Variants in UTRN observed in about 807,000 individuals in gnomAD.
The protein encoded by UTRN is utrophin.
A neutral mutation model predicts 463.9 loss-of-function variants in UTRN; 283 were observed. That is an observed-to-expected ratio of 0.61 (90% CI 0.55 to 0.67). UTRN has a LOEUF of 0.67. Ranked by LOEUF, UTRN falls within the 30% of genes least tolerant of loss-of-function variation. UTRN has a pLI of 0.00. For missense variants in UTRN, 3,922 were observed against 4,084.3 expected (o/e 0.96, Z 1.08); for synonymous variants, 1,442 against 1,431.5 (o/e 1.01, Z -0.17).
chr6:144,772,017 T>A, intron 59 of UTRN, 49 bp downstream of exon 59: 1 of 139,350 alleles, frequency 7.2e-6, no homozygotes, highest in Non-Finnish European at 8.6e-6. Context: ...TGAGAACCGG[T>A]TTTTTTTTTT....
intron 66 of UTRN, among the ~76,000 whole-genome samples, chr6:144,824,908 A>G (rs574562803): frequency 6.6e-6 from 1 of 151,776 alleles, no homozygotes; most frequent in Non-Finnish European, 1.5e-5. Context: ...TCAGCCTCCC[A>G]AGAAGCTGGG....
chr6:144,851,159 A>G lies in UTRN; in HGVS notation c.*162A>G. ...TGAAAGAGTAAAACACTGACTATCC[A>G]AAGAGAAATGGATATTTTGTTTTTA... On this transcript the variant is annotated 3_prime_UTR_variant, in exon 75 of 75. Coordinates refer to ENST00000367545, the MANE Select transcript of UTRN (RefSeq NM_007124.3). 1.2e-6 allele frequency: 1 copy of G among 844,716 alleles called. No homozygotes were observed. The highest frequency in any genetic ancestry group is 2.5e-5 in the East Asian group (1 of 40,422). 52.3% of individuals were successfully genotyped at this position (844,716 alleles called of 1,614,324 possible). A position where few individuals can be genotyped will look rare whatever the true frequency, so the allele number is the denominator to read the frequency against.
chr6:144,794,618 GA>G (rs937894160), intron 63 of UTRN, among the ~76,000 whole-genome samples: 1 of 152,172 alleles, frequency 6.6e-6, no homozygotes, highest in Non-Finnish European at 1.5e-5. Context: ...TAAGCTCCAT[GA>G]AGACAAGGAC....
chr6:144,409,131 C>T (rs1251961146), intron 3 of UTRN, among the ~76,000 whole-genome samples: 1 of 152,170 alleles, frequency 6.6e-6, no homozygotes, highest in Non-Finnish European at 1.5e-5. Context: ...TCTTAAACAC[C>T]AGCTTCCAGA....
rs375556962 is a variant in UTRN at position 144,365,188 on chromosome 6, TA to T, written c.80-37933del. Among the ~76,000 whole-genome samples, 35 of 152,356 alleles carry T rather than the reference TA, an allele frequency of 2.3e-4. 1 individual carries two copies. In the South Asian group the frequency reaches 7.2e-3, roughly 32 times the overall value. On this transcript the variant is annotated intron_variant, in intron 2 of 74. Transcript: ENST00000367545. ...TGCAGAAAGAATTGAGAGTGGTGGA[TA>T]ATTCTCCAATCATTCCTGCTTTCTC...
chr6:144,557,346 G>A (rs1244010994), intron 50 of UTRN, 35 bp downstream of exon 50: 4 of 1,579,850 alleles, frequency 2.5e-6, no homozygotes, highest in Admixed American at 1.8e-5. Flanking sequence ...AATGTATATT[G>A]TCAAGTTGAG....
At chr6:144,759,006 C>T (rs550346873) in intron 58 of UTRN, among the ~76,000 whole-genome samples, 47 of 152,172 alleles carry the variant, frequency 3.1e-4, no homozygotes, top group Non-Finnish European at 4.9e-4. Context: ...TTCCTGAAAA[C>T]GTTGTGTGAA....
At chr6:144,584,382 A>G (rs1241887541) in intron 51 of UTRN, among the ~76,000 whole-genome samples, 1 of 152,144 alleles carries the variant, frequency 6.6e-6, no homozygotes, top group Non-Finnish European at 1.5e-5. Flanking sequence ...GAGAGTTATA[A>G]TAGCAATTTT....
chr6:144,557,248 A>C lies in UTRN; in HGVS notation c.7226A>C (p.Asp2409Ala). Residue 2409 changes from aspartate to alanine, a missense_variant, in exon 50 of 75, where the codon GAC (aspartate) becomes GCC (alanine). This residue lies in a region of UTRN where 1,309 missense variants were observed against 1,452.6 expected (regional missense o/e 0.90). Coordinates refer to ENST00000367545, the MANE Select transcript of UTRN (RefSeq NM_007124.3). The part of the protein sequence containing the change: ...QKLLEEYGSD[D>A]TRNVKETTEY... ...CTCCTGGAGGAATATGGGAGTGATG[A>C]CACAAGGAATGTGAAAGAAACCACA... The C allele has an allele frequency of 7.4e-6, 12 of 1,614,012 alleles. No homozygotes were observed. Among genetic ancestry groups the C allele is most frequent in the Non-Finnish European group, 1.0e-5 (12 of 1,179,898 alleles).
At chr6:144,460,729 G>A (rs1468274875) in intron 21 of UTRN, among the ~76,000 whole-genome samples, 1 of 152,184 alleles carries the variant, frequency 6.6e-6, no homozygotes, top group Non-Finnish European at 1.5e-5. Context: ...TGGCTGTTCA[G>A]TCATTATTTC....
chr6:144,515,932 G>C (rs934190574), intron 37 of UTRN, among the ~76,000 whole-genome samples: 2 of 152,174 alleles, frequency 1.3e-5, no homozygotes, highest in African/African-American at 4.8e-5. Flanking sequence ...CATGGCCATA[G>C]TTTCCTGCTA....
chr6:144,743,068 A>G (rs1790282230), intron 54 of UTRN, among the ~76,000 whole-genome samples: 1 of 152,216 alleles, frequency 6.6e-6, no homozygotes, highest in Admixed American at 6.5e-5. Flanking sequence ...ATGTCCACTT[A>G]AAAGTGTAAA....
At chr6:144,653,374 A>G (rs1779019366) in intron 51 of UTRN, among the ~76,000 whole-genome samples, 1 of 152,170 alleles carries the variant, frequency 6.6e-6, no homozygotes, top group South Asian at 2.1e-4. Flanking sequence ...TCACGAGGTC[A>G]GGAGATTGAG....
In UTRN at chr6:144,827,593, TG is replaced by T. The variant is rs1054806529; in HGVS notation, c.9534-17del. 1.9e-6 allele frequency: 3 copies of T among 1,613,308 alleles called. No individual in the cohort carries two copies. The highest frequency in any genetic ancestry group is 3.3e-5 in the Admixed American group (2 of 59,938). Reference sequence around the variant, plus strand: ...ATATTTGGGCATAAAATTATTGCTTTGTTTTTTTCTTTTAAAGCCCCTCACA... The same window carrying T: ...ATATTTGGGCATAAAATTATTGCTTTTTTTTTTCTTTTAAAGCCCCTCACA... On this transcript the variant is annotated splice_polypyrimidine_tract_variant and intron_variant, in intron 67 of 74. Coordinates refer to ENST00000367545, the MANE Select transcript of UTRN (RefSeq NM_007124.3).
Position 144,523,088 on chromosome 6 carries a change from C to G in UTRN, c.5806C>G (p.Leu1936Val), listed in dbSNP as rs1298198316. 2 of 1,613,360 alleles carry G rather than the reference C, an allele frequency of 1.2e-6. No individual in the cohort carries two copies. The highest frequency in any genetic ancestry group is 4.5e-5 in the East Asian group (2 of 44,836). Residue 1936 changes from leucine (L) to valine (V), a missense_variant, in exon 41 of 75, where the codon CTT becomes GTT. Coordinates refer to ENST00000367545, the MANE Select transcript of UTRN (RefSeq NM_007124.3). ...TCATGAAAAACAGCCAGATGTCATC[C>G]TTGAAGCCTCTGGACCTGAAGCCAT... ...VIHEKQPDVI[L>V]EASGPEAIQI...
chr6:144,699,164 G>T (rs182156701), intron 52 of UTRN, among the ~76,000 whole-genome samples: 2 of 152,098 alleles, frequency 1.3e-5, no homozygotes, highest in Non-Finnish European at 2.9e-5. Context: ...TCAAGACCAG[G>T]CGCGGTGGCT....
chr6:144,300,609 T>C (rs1432144770), intron 2 of UTRN, among the ~76,000 whole-genome samples: 1 of 152,224 alleles, frequency 6.6e-6, no homozygotes, highest in Admixed American at 6.5e-5. Flanking sequence ...TGCTTCTTTG[T>C]ATATCATTGT....
chr6:144,782,953 T>C (rs1021019391), intron 61 of UTRN, among the ~76,000 whole-genome samples: 1 of 151,446 alleles, frequency 6.6e-6, no homozygotes, highest in African/African-American at 2.5e-5. Context: ...CCCAGCACTT[T>C]GGGTGGCCGA....
chr6:144,776,790 C>T (rs1366023551), intron 60 of UTRN, among the ~76,000 whole-genome samples: 1 of 152,084 alleles, frequency 6.6e-6, no homozygotes, highest in South Asian at 2.1e-4. Context: ...GCAGTTTTTG[C>T]CGTTAAAAGT....
Sources: gnomAD v4.1 joint callset for allele counts (sites outside exome capture counted in the v4.1 genomes callset) on GRCh38, gnomAD v4.1.1 for gene constraint, gnomAD v4.1.1 regional missense constraint, MANE v1.5 for transcripts, NCBI Gene and HGNC (gene_info 2026-07-23, HGNC 2026-07-21) for gene names.